Variants in CTDSPL observed in about 807,000 individuals in gnomAD.
CTDSPL encodes CTD small phosphatase-like protein.
In CTDSPL, 8 loss-of-function variants were observed where a neutral mutation model predicts 30.5. The ratio of observed to expected loss-of-function variants is 0.26; its 90% CI spans 0.15 to 0.47. The LOEUF is 0.47. Ranked by LOEUF, CTDSPL falls within the 20% of genes least tolerant of loss-of-function variation. The pLI is 0.99. For missense variants in CTDSPL, 248 were observed against 366.1 expected (o/e 0.68, Z 2.63); for synonymous variants, 110 against 137.9 (o/e 0.80, Z 1.42).
At chr3:37,967,797 A>G (rs762242438) in intron 4 of CTDSPL, 29 bp from the exon 5 acceptor site, 4 of 1,502,822 alleles carry the variant, frequency 2.7e-6, no homozygotes, top group South Asian at 1.2e-5. Flanking sequence ...TCCTTCAGAC[A>G]TATTAATTAT....
chr3:37,974,638 C>T (rs1404678068), intron 6 of CTDSPL, among the ~76,000 whole-genome samples: 2 of 152,180 alleles, frequency 1.3e-5, no homozygotes, highest in African/African-American at 4.8e-5. Flanking sequence ...TTCTCCAAGC[C>T]TGCTTTGGGG....
chr3:37,902,662 C>T lies in CTDSPL; in HGVS notation c.79+40384C>T, dbSNP rs115522771. 6.0e-3 allele frequency among the ~76,000 whole-genome samples: 914 copies of T among 152,300 alleles called. 3 individuals carry two copies. Among genetic ancestry groups the T allele is most frequent in the Middle Eastern group, 0.027 (8 of 294 alleles). ...ATTCTCACCCCAACTGCTGTCTCTG[C>T]TGCTTCTGCTGCATCTCACATTCAA... On this transcript the variant is annotated intron_variant, in intron 1 of 7. Transcript: ENST00000273179.
chr3:37,908,470 A>T (rs1315759425), intron 1 of CTDSPL, among the ~76,000 whole-genome samples: 2 of 152,156 alleles, frequency 1.3e-5, no homozygotes, highest in South Asian at 4.1e-4. Context: ...TGTCATCATT[A>T]TTTTTAATGG....
chr3:37,960,506 ATATATATAT>A (rs1265873780), intron 3 of CTDSPL, among the ~76,000 whole-genome samples: 3 of 26,538 alleles, frequency 1.1e-4, no homozygotes, highest in African/African-American at 5.2e-4. Flanking sequence ...AAAAAAAAAA[ATATATATAT>A]ATATATATAT....
intron 1 of CTDSPL, among the ~76,000 whole-genome samples, chr3:37,866,671 T>G (rs570311746): frequency 6.6e-6 from 1 of 152,340 alleles, no homozygotes; most frequent in East Asian, 1.9e-4. Flanking sequence ...AGCTAATATG[T>G]GTCCTTGATG....
At chr3:37,959,299 C>T (rs1323198996) in intron 3 of CTDSPL, among the ~76,000 whole-genome samples, 1 of 152,180 alleles carries the variant, frequency 6.6e-6, no homozygotes, top group Non-Finnish European at 1.5e-5. Flanking sequence ...GTAATTCAAG[C>T]TCATGGTTAA....
At chr3:37,925,738 A>G (rs568970486) in intron 1 of CTDSPL, among the ~76,000 whole-genome samples, 1 of 152,278 alleles carries the variant, frequency 6.6e-6, no homozygotes, top group East Asian at 1.9e-4. Context: ...TGTGGAAGCC[A>G]GTGGAGGGTG....
chr3:37,927,927 G>T (rs1698804264), intron 1 of CTDSPL, among the ~76,000 whole-genome samples: 1 of 151,844 alleles, frequency 6.6e-6, no homozygotes, highest in African/African-American at 2.4e-5. Flanking sequence ...CCTCATGTAA[G>T]TGGAATCATA....
chr3:37,909,294 T>A (rs974289654), intron 1 of CTDSPL, among the ~76,000 whole-genome samples: 1 of 152,230 alleles, frequency 6.6e-6, no homozygotes, highest in Non-Finnish European at 1.5e-5. Flanking sequence ...GCCATGGAAA[T>A]GATACCCAAC....
At chr3:37,973,533 C>G (rs1699391852) in intron 6 of CTDSPL, among the ~76,000 whole-genome samples, 1 of 152,240 alleles carries the variant, frequency 6.6e-6, no homozygotes. Context: ...CTTCCACCCT[C>G]TTTCCTCGCT....
intron 1 of CTDSPL, among the ~76,000 whole-genome samples, chr3:37,945,670 G>A (rs759202399): frequency 6.6e-6 from 1 of 152,238 alleles, no homozygotes; most frequent in African/African-American, 2.4e-5. Context: ...AAGGATCCTT[G>A]AGGAAGATAA....
Position 37,862,121 on chromosome 3 carries a change from C to T in CTDSPL, c.-79C>T. ...GCGAGCGCCCCCCCGCGCCGCGCCC[C>T]CGCGCCCCCCGCGCCGCGCCCCCGC... is the stretch of plus-strand genomic sequence containing the variant. On this transcript the variant is annotated 5_prime_UTR_variant, in exon 1 of 8. Transcript: ENST00000273179. The surrounding 1 kb of genome is among the most constrained non-coding windows in gnomAD (Gnocchi z 4.3). The T allele has an allele frequency of 9.8e-6, 6 of 614,198 alleles. No individual in the cohort carries two copies. Among genetic ancestry groups the T allele is most frequent in the Non-Finnish European group, 1.2e-5 (6 of 496,624 alleles). The allele number at this position is 614,198 out of a possible 1,614,324, so 38.0% of individuals were successfully genotyped here.
At chr3:37,936,485 G>A (rs58811694) in intron 1 of CTDSPL, among the ~76,000 whole-genome samples, 3,178 of 151,956 alleles carry the variant, frequency 0.021, 109 homozygotes, top group African/African-American at 0.071. Flanking sequence ...TTCAGGGTGG[G>A]AAAGGAATGT....
chr3:37,956,876 G>A (rs1699180354), intron 2 of CTDSPL, among the ~76,000 whole-genome samples: 1 of 152,170 alleles, frequency 6.6e-6, no homozygotes, highest in African/African-American at 2.4e-5. Flanking sequence ...AAAATGGTTT[G>A]TGAGTCTCAG....
At chr3:37,874,644 T>C (rs1698113072) in intron 1 of CTDSPL, among the ~76,000 whole-genome samples, 1 of 152,030 alleles carries the variant, frequency 6.6e-6, no homozygotes. Context: ...GCAGGAGAAT[T>C]GCTTGAATCC....
At position 37,982,382 on chromosome 3, in the gene CTDSPL, C is replaced by A; in HGVS notation, c.*1515C>A. ...CAGTGCCATGTTCCTTGTTTGACAACAAGACAGTCTGTAAAGTATTGCTCT... is the reference window on the plus strand; with the variant it reads ...CAGTGCCATGTTCCTTGTTTGACAAAAAGACAGTCTGTAAAGTATTGCTCT... On this transcript the variant is annotated 3_prime_UTR_variant, in exon 8 of 8. Coordinates refer to ENST00000273179, the MANE Select transcript of CTDSPL (RefSeq NM_001008392.2). The A allele has an allele frequency of 2.7e-6, 1 of 366,768 alleles. No individual in the cohort carries two copies. The highest frequency in any genetic ancestry group is 2.1e-5 in the South Asian group (1 of 48,770). 22.7% of individuals were successfully genotyped at this position (366,768 alleles called of 1,614,324 possible). A position where few individuals can be genotyped will look rare whatever the true frequency, so the allele number is the denominator to read the frequency against.
intron 1 of CTDSPL, among the ~76,000 whole-genome samples, chr3:37,888,665 A>T (rs1000931465): frequency 6.6e-6 from 1 of 152,230 alleles, no homozygotes; most frequent in South Asian, 2.1e-4. Context: ...ATTGCGTAGT[A>T]TTTATCATAA....
intron 1 of CTDSPL, among the ~76,000 whole-genome samples, chr3:37,869,800 TGA>T (rs994796925): frequency 1.4e-4 from 21 of 152,148 alleles, no homozygotes; most frequent in African/African-American, 4.8e-4. Flanking sequence ...TCAATTTTTC[TGA>T]GAGTTTTTAA....
chr3:37,950,623 GAAC>G (rs1337521432), intron 2 of CTDSPL, among the ~76,000 whole-genome samples: 2 of 152,186 alleles, frequency 1.3e-5, no homozygotes, highest in African/African-American at 4.8e-5. Context: ...CTAGGAGATG[GAAC>G]ATGCAAATGT....
Sources: allele counts gnomAD v4.1 joint callset (sites outside exome capture counted in the v4.1 genomes callset), GRCh38; gene constraint gnomAD v4.1.1; non-coding constraint Gnocchi (gnomAD v3.1); transcripts MANE v1.5; gene names NCBI Gene and HGNC (gene_info 2026-07-23, HGNC 2026-07-21).